The following COL6A3 variants were observed in gnomAD, a reference collection of about 807,000 sequenced individuals.
COL6A3 encodes the protein collagen alpha-3(VI) chain.
Under a neutral mutation model 274.1 loss-of-function variants are expected in COL6A3, and 137 were observed. The ratio of observed to expected loss-of-function variants is 0.50; its 90% confidence interval spans 0.44 to 0.58. The LOEUF (loss-of-function observed/expected upper bound fraction) is 0.58. COL6A3 is among the 20% of genes least tolerant of loss of function. The pLI is 0.00. For synonymous variants in COL6A3, 1,650 were observed against 1,650.6 expected, an observed-to-expected ratio of 1.00 and a Z score of 0.01; for missense variants, 3,950 against 4,124.9, an observed-to-expected ratio of 0.96 and a Z score of 1.16.
intron 26 of COL6A3, among the ~76,000 whole-genome samples, chr2:237,352,303 A>G (rs2077223327): frequency 6.6e-6 from 1 of 152,242 alleles, no homozygotes; most frequent in Non-Finnish European, 1.5e-5. Flanking sequence ...ATTGAGACTT[A>G]GAGGCCCATG....
At chr2:237,385,649 G>A (rs796646078) in intron 4 of COL6A3, among the ~76,000 whole-genome samples, 1 of 152,254 alleles carries the variant, frequency 6.6e-6, no homozygotes, top group African/African-American at 2.4e-5. Context: ...ACTTTGGGAT[G>A]CACACCAATA....
chr2:237,341,077 C>T lies in COL6A3; in HGVS notation c.7839G>A (p.Gly2613=), dbSNP rs2076978292. The T allele has an allele frequency of 1.2e-6, 2 of 1,614,182 alleles. No homozygotes were observed. The highest frequency in any genetic ancestry group is 1.7e-6 in the Non-Finnish European group (2 of 1,180,040). Residue 2613 remains glycine, a synonymous_variant, in exon 38 of 44, where the codon GGG becomes GGA. Coordinates refer to ENST00000295550, the MANE Select transcript of COL6A3 (RefSeq NM_004369.4). The part of the protein sequence containing the change: ...RPSFRDRRAA[G]SDVDIDMAFI... ...AAGCCATGTCGATGTCCACATCGCT[C>T]CCTGCCGCTCTCCTGTCCCTGAAGG... is the stretch of plus-strand genomic sequence containing the variant.
rs114492689 is a variant in COL6A3, at chr2:237,377,088, G to A, written c.2754C>T (p.Tyr918=). Residue 918 remains tyrosine (Y), a synonymous_variant, in exon 7 of 44, where the codon TAC becomes TAT. Transcript: ENST00000295550. ...IKTGKALNLG[Y]ALDYAQRYIF... ...TGTACCTCTGTGCATAGTCCAGCGCGTAGCCCAGGTTGAGGGCTTTGCCCG... is the reference window on the plus strand; with the variant it reads ...TGTACCTCTGTGCATAGTCCAGCGCATAGCCCAGGTTGAGGGCTTTGCCCG... 75 of 1,614,090 alleles carry A rather than the reference G, an allele frequency of 4.6e-5. No individual in the cohort carries two copies. Among genetic ancestry groups the A allele is most frequent in the East Asian group, 3.8e-4 (17 of 44,906 alleles).
intron 6 of COL6A3, 74 bp from the exon 7 acceptor site, chr2:237,377,418 C>G: frequency 6.9e-7 from 1 of 1,456,484 alleles, no homozygotes; most frequent in Non-Finnish European, 9.5e-7. Context: ...CAGCCCAGCA[C>G]CATTTGACAA....
At chr2:237,400,002 T>A (rs184696551) in intron 1 of COL6A3, among the ~76,000 whole-genome samples, 1 of 152,362 alleles carries the variant, frequency 6.6e-6, no homozygotes, top group East Asian at 1.9e-4. Context: ...TAGTTAATAT[T>A]GTCATTTTTT....
At position 237,364,955 on chromosome 2, in the gene COL6A3, T is replaced by C. The variant is rs894740280; in HGVS notation, c.5839-527A>G. Among the ~76,000 whole-genome samples, 2 of 151,740 alleles carry C rather than the reference T, an allele frequency of 1.3e-5. No individual in the cohort carries two copies. Among genetic ancestry groups the C allele is most frequent in the African/African-American group, 4.8e-5 (2 of 41,286 alleles). On this transcript the variant is annotated intron_variant, in intron 12 of 43. Transcript: ENST00000295550. The surrounding 1 kb of genome is among the most constrained non-coding windows in gnomAD (Gnocchi z 4.6). The stretch of plus-strand genomic sequence containing the variant: ...CGTGTGTGCATGTGTGCATGTGTTA[T>C]GGGCTAAATTGTGTCCCCTCAAAAT...
rs144314743 is a variant in COL6A3, at chr2:237,369,154, T to A, written c.4309A>T (p.Ile1437Phe). Residue 1437 changes from isoleucine (I) to phenylalanine (F), a missense_variant, in exon 10 of 44, where the codon ATT (isoleucine) becomes TTT (phenylalanine). Ile to Phe is a conservative substitution (Grantham distance 21, BLOSUM62 0). Transcript: ENST00000295550. ...TCAGAGCTGTCGATCAGAAAGACAA[T>A]GTCTGCAGCATCACTCTCAACTGCT... Reference protein sequence around the residue: ...PPAVESDAADIVFLIDSSEGV... With the variant: ...PPAVESDAADFVFLIDSSEGV... The A allele has an allele frequency of 6.1e-5, 99 of 1,612,412 alleles. No individual in the cohort carries two copies. Among genetic ancestry groups the A allele is most frequent in the Non-Finnish European group, 8.0e-5 (94 of 1,180,032 alleles).
Position 237,350,214 on chromosome 2 carries a change from A to G in COL6A3, c.6817-5T>C, listed in dbSNP as rs794727464. The G allele has an allele frequency of 6.2e-7, 1 of 1,613,948 alleles. No individual in the cohort carries two copies. Among genetic ancestry groups the G allele is most frequent in the Non-Finnish European group, 8.5e-7 (1 of 1,179,854 alleles). ...TCCTGGCTCTCCGGGCTCACCCTAG[A>G]CATGAGAAACATGGCTGAGACCCTG... On this transcript the variant is annotated splice_region_variant and splice_polypyrimidine_tract_variant and intron_variant, in intron 27 of 43. Transcript: ENST00000295550.
chr2:237,377,222 G>A lies in COL6A3; in HGVS notation c.2620C>T (p.Arg874Ter), dbSNP rs1553561409. The change falls in exon 7 of 44, where the codon CGA (arginine) becomes TGA (stop). Residue 874 changes from arginine (R) to a stop codon, truncating the protein, a stop_gained. Transcript: ENST00000295550. LOFTEE classifies it high-confidence loss of function. ...TCGCTGTACTGAGCCACCGCAATTCGGGTCCCCTCTGGCTTCACATTGAGC... is the reference window on the plus strand; with the variant it reads ...TCGCTGTACTGAGCCACCGCAATTCAGGTCCCCTCTGGCTTCACATTGAGC... ...DELNVKPEGTRIAVAQYSDDV... is the reference protein window; with the variant it reads ...DELNVKPEGT 4.3e-6 allele frequency: 7 copies of A among 1,613,362 alleles called. No homozygotes were observed. Among genetic ancestry groups the A allele is most frequent in the Non-Finnish European group, 5.9e-6 (7 of 1,180,028 alleles).
intron 42 of COL6A3, 181 bp from the exon 43 acceptor site, chr2:237,325,905 A>C: frequency 1.7e-6 from 1 of 576,612 alleles, no homozygotes; most frequent in South Asian, 2.3e-5. Context: ...TGGACATAGG[A>C]ATTGCTTACA....
intron 27 of COL6A3, among the ~76,000 whole-genome samples, chr2:237,350,535 C>G (rs888419941): frequency 6.6e-6 from 1 of 152,172 alleles, no homozygotes; most frequent in Non-Finnish European, 1.5e-5. Flanking sequence ...CAGAGACCAT[C>G]GTGGATTCAC....
intron 1 of COL6A3, among the ~76,000 whole-genome samples, chr2:237,399,329 C>T (rs1185640851): frequency 1.3e-5 from 2 of 152,186 alleles, no homozygotes; most frequent in Non-Finnish European, 2.9e-5. Flanking sequence ...TCAAAGCCTC[C>T]ATTTCCTCCT....
Position 237,378,670 on chromosome 2 carries a change from A to G in COL6A3, c.2463T>C (p.Ser821=), listed in dbSNP as rs115387170. The change falls in exon 6 of 44, where the codon AGT becomes AGC. Residue 821 remains serine, a synonymous_variant. Transcript: ENST00000295550. The part of the protein sequence containing the change: ...QLIQPLTTYV[S]GGVEEVPLAQ... Reference sequence around the variant, plus strand: ...CGAGTGGTACTTCCTCCACACCTCCACTAACATATGTGGTTAGGGGCTGAA... The same window carrying G: ...CGAGTGGTACTTCCTCCACACCTCCGCTAACATATGTGGTTAGGGGCTGAA... 5,187 of 1,613,240 alleles carry G rather than the reference A, an allele frequency of 3.2e-3. 12 individuals carry two copies. The highest frequency in any genetic ancestry group is 0.011 in the Middle Eastern group (58 of 5,254).
In COL6A3 at chr2:237,377,114, T is replaced by C. The variant is rs1198902358; in HGVS notation, c.2728A>G (p.Thr910Ala). The C allele has an allele frequency of 6.2e-7, 1 of 1,614,088 alleles. No homozygotes were observed. The highest frequency in any genetic ancestry group is 1.7e-5 in the Admixed American group (1 of 60,010). Residue 910 changes from threonine (T) to alanine (A), a missense_variant, in exon 7 of 44, where the codon ACG becomes GCG. By Grantham distance (58) the Thr-to-Ala change is moderately conservative (BLOSUM62 0). Around this residue, in one of 5 missense-constraint regions of COL6A3, gnomAD observed 1,934 missense variants for 1,984.3 expected, o/e 0.97. Coordinates refer to ENST00000295550, the MANE Select transcript of COL6A3 (RefSeq NM_004369.4). ...LNLVKRMKIK[T>A]GKALNLGYAL... ...TAGCCCAGGTTGAGGGCTTTGCCCG[T>C]CTTGATCTTCATTCTCTTCACAAGA...
chr2:237,358,208 G>A (rs540083195), intron 21 of COL6A3, among the ~76,000 whole-genome samples: 19 of 152,270 alleles, frequency 1.2e-4, no homozygotes, highest in African/African-American at 4.3e-4. Context: ...TTGCTTAAAC[G>A]TTTTACAGAG....
chr2:237,410,879 G>C (rs1335202421), intron 1 of COL6A3, among the ~76,000 whole-genome samples: 2 of 152,180 alleles, frequency 1.3e-5, no homozygotes, highest in African/African-American at 4.8e-5. Flanking sequence ...GCTGTATCTA[G>C]AAACGGGAGA....
intron 26 of COL6A3, 101 bp from the exon 27 acceptor site, chr2:237,351,293 C>A: frequency 8.9e-7 from 1 of 1,123,224 alleles, no homozygotes; most frequent in Non-Finnish European, 1.4e-6. Context: ...CAGAGCCCGC[C>A]AGGGGCATGG....
intron 41 of COL6A3, among the ~76,000 whole-genome samples, chr2:237,334,358 C>A (rs886706335): frequency 6.6e-6 from 1 of 152,158 alleles, no homozygotes. Context: ...TGTGCTCAGG[C>A]GACGTGGATC....
chr2:237,354,812 C>T, intron 24 of COL6A3, 87 bp downstream of exon 24: 1 of 1,166,870 alleles, frequency 8.6e-7, no homozygotes, highest in Non-Finnish European at 1.2e-6. Flanking sequence ...GCTTTGGGTT[C>T]ACAGGAGAGA....
Sources: allele counts gnomAD v4.1 joint callset (sites outside exome capture counted in the v4.1 genomes callset), GRCh38; gene constraint gnomAD v4.1.1; regional missense constraint gnomAD v4.1.1; non-coding constraint Gnocchi (gnomAD v3.1); transcripts MANE v1.5; gene names NCBI Gene and HGNC (gene_info 2026-07-23, HGNC 2026-07-21).